DLG2: variants seen among roughly 807,000 people sequenced by gnomAD.
DLG2 encodes the protein disks large homolog 2.
Under a neutral mutation model 132.5 loss-of-function variants are expected in DLG2, and 45 were observed. That is an observed-to-expected ratio of 0.34 (90% CI 0.27 to 0.44). The LOEUF is 0.44. DLG2 is among the 20% of genes least tolerant of loss of function. The probability of loss-of-function intolerance (pLI) is 1.00; values close to 1 mark genes in which losing one functional copy is unlikely to be tolerated. For missense variants in DLG2, 1,045 were observed against 1,196.9 expected (o/e 0.87, Z 1.87); for synonymous variants, 424 against 419.6 (o/e 1.01, Z -0.13).
intron 6 of DLG2, among the ~76,000 whole-genome samples, chr11:85,098,436 A>G (rs918700825): frequency 1.1e-4 from 16 of 152,184 alleles, no homozygotes; most frequent in African/African-American, 3.9e-4. Flanking sequence ...GCTTTCAGAG[A>G]GTCATAAAAC....
intron 7 of DLG2, among the ~76,000 whole-genome samples, chr11:84,463,210 C>T (rs142981531): frequency 6.6e-6 from 1 of 151,164 alleles, no homozygotes; most frequent in African/African-American, 2.4e-5. Flanking sequence ...TTTTCTCTTA[C>T]CAGGCAGTGT....
At chr11:83,862,829 C>T (rs1565392954) in intron 16 of DLG2, among the ~76,000 whole-genome samples, 1 of 152,026 alleles carries the variant, frequency 6.6e-6, no homozygotes, top group Non-Finnish European at 1.5e-5. Context: ...AATATAATTC[C>T]CCTTATTCCT....
At chr11:83,524,503 C>T (rs1455440958) in intron 21 of DLG2, among the ~76,000 whole-genome samples, 1 of 152,012 alleles carries the variant, frequency 6.6e-6, no homozygotes, top group Non-Finnish European at 1.5e-5. Context: ...AGGTCTTTTC[C>T]ATGTCTTACC....
chr11:84,342,059 T>C (rs1015143213), intron 7 of DLG2, among the ~76,000 whole-genome samples: 3 of 152,210 alleles, frequency 2.0e-5, no homozygotes, highest in Middle Eastern at 3.2e-3. Flanking sequence ...ACTTTTCTTT[T>C]TTTTTTTAAT....
chr11:83,705,382 A>G (rs924724823), intron 18 of DLG2, among the ~76,000 whole-genome samples: 6 of 152,228 alleles, frequency 3.9e-5, no homozygotes, highest in Non-Finnish European at 5.9e-5. Flanking sequence ...ATAGCTGAAG[A>G]TTAAGACTTC....
At chr11:83,477,856 T>C (rs2137013400) in intron 22 of DLG2, among the ~76,000 whole-genome samples, 1 of 152,158 alleles carries the variant, frequency 6.6e-6, no homozygotes, top group Non-Finnish European at 1.5e-5. Flanking sequence ...CTGGAAAATA[T>C]ATTTGTTCCA....
At chr11:84,439,358 C>T (rs573554639) in intron 7 of DLG2, among the ~76,000 whole-genome samples, 39 of 152,182 alleles carry the variant, frequency 2.6e-4, no homozygotes, top group Non-Finnish European at 4.9e-4. Context: ...GAGTGCTCAC[C>T]GGATACATAG....
intron 6 of DLG2, among the ~76,000 whole-genome samples, chr11:84,556,274 G>A (rs1210689299): frequency 6.6e-6 from 1 of 152,046 alleles, no homozygotes; most frequent in East Asian, 1.9e-4. Context: ...GTGGACAGTG[G>A]GTATAAAGAT....
chr11:84,696,596 A>G (rs1248725534), intron 6 of DLG2, among the ~76,000 whole-genome samples: 4 of 151,506 alleles, frequency 2.6e-5, no homozygotes, highest in Admixed American at 2.6e-4. Context: ...AACCAGGCAG[A>G]AAAAAACAGT....
At chr11:85,122,978 T>TATATATATATATATA (rs61472098) in intron 5 of DLG2, among the ~76,000 whole-genome samples, 1 of 47,366 alleles carries the variant, frequency 2.1e-5, no homozygotes, top group Admixed American at 2.5e-4. Context: ...TATTTTTTTT[T>TATATATATATATATA]TTTTTTTTTT....
chr11:84,667,576 A>T (rs1251951794), intron 6 of DLG2, among the ~76,000 whole-genome samples: 2 of 144,892 alleles, frequency 1.4e-5, no homozygotes, highest in Non-Finnish European at 3.0e-5. Context: ...AGCTCACTGC[A>T]ACCTCCGCCT....
intron 7 of DLG2, among the ~76,000 whole-genome samples, chr11:84,388,008 C>T (rs1416872193): frequency 6.6e-6 from 1 of 152,152 alleles, no homozygotes; most frequent in Non-Finnish European, 1.5e-5. Context: ...AAAAATGTCT[C>T]ATGTGTTTCT....
At chr11:84,549,364 C>T (rs2099397134) in intron 6 of DLG2, among the ~76,000 whole-genome samples, 1 of 152,204 alleles carries the variant, frequency 6.6e-6, no homozygotes, top group Non-Finnish European at 1.5e-5. Context: ...TGGGCAGTCC[C>T]TGTCTGACTA....
chr11:84,107,026 G>A (rs1368695022), intron 9 of DLG2, among the ~76,000 whole-genome samples: 2 of 150,982 alleles, frequency 1.3e-5, no homozygotes, highest in African/African-American at 4.9e-5. Flanking sequence ...GAGAGTTTTA[G>A]CCTTAGGGGA....
chr11:85,219,308 T>C (rs1287777339), intron 4 of DLG2, among the ~76,000 whole-genome samples: 1 of 152,212 alleles, frequency 6.6e-6, no homozygotes, highest in Non-Finnish European at 1.5e-5. Context: ...GATTATATAC[T>C]CCACTTCTGT....
chr11:83,794,386 T>C (rs1403456012), intron 17 of DLG2, among the ~76,000 whole-genome samples: 2 of 151,898 alleles, frequency 1.3e-5, no homozygotes, highest in Non-Finnish European at 2.9e-5. Context: ...ACATCATTGA[T>C]ATGACATTTT....
intron 6 of DLG2, among the ~76,000 whole-genome samples, chr11:84,597,829 T>C (rs530070967): frequency 2.0e-5 from 3 of 152,214 alleles, no homozygotes; most frequent in Non-Finnish European, 2.9e-5. Flanking sequence ...CTATGAAGTA[T>C]TCTTGCCATT....
chr11:85,149,306 G>A (rs927035899), intron 5 of DLG2, among the ~76,000 whole-genome samples: 9 of 152,102 alleles, frequency 5.9e-5, no homozygotes, highest in Non-Finnish European at 1.2e-4. Flanking sequence ...GTATTTTGAC[G>A]GGAATAGCAT....
intron 3 of DLG2, among the ~76,000 whole-genome samples, chr11:85,380,281 A>C (rs544862294): frequency 6.6e-6 from 1 of 152,350 alleles, no homozygotes; most frequent in East Asian, 1.9e-4. Flanking sequence ...CCTTTTCAAA[A>C]ATCTCTGCAT....
Sources: allele counts gnomAD v4.1 joint callset (sites outside exome capture counted in the v4.1 genomes callset), GRCh38; gene constraint gnomAD v4.1.1; transcripts MANE v1.5; gene names NCBI Gene and HGNC (gene_info 2026-07-23, HGNC 2026-07-21).